PTPRQ: variants seen among roughly 807,000 people sequenced by gnomAD.
PTPRQ encodes the protein protein tyrosine phosphatase receptor type Q.
In PTPRQ, 199 loss-of-function variants were observed where a neutral mutation model predicts 246.0. The ratio of observed to expected loss-of-function variants is 0.81; its 90% CI spans 0.72 to 0.91. PTPRQ has a LOEUF of 0.91. Ranked by LOEUF, PTPRQ falls within the 40% of genes least tolerant of loss-of-function variation. PTPRQ has a pLI of 0.00. For synonymous variants in PTPRQ, 869 were observed against 853.2 expected (o/e 1.02, Z -0.32); for missense variants, 2,624 against 2,528.4 (o/e 1.04, Z -0.81).
chr12:80,549,140 G>A (rs1285287233), intron 24 of PTPRQ, among the ~76,000 whole-genome samples: 2 of 152,064 alleles, frequency 1.3e-5, no homozygotes, highest in East Asian at 3.8e-4. Context: ...CCAATTAAGA[G>A]AGCAGTTATC....
intron 43 of PTPRQ, among the ~76,000 whole-genome samples, chr12:80,675,403 T>C (rs1262714202): frequency 1.3e-5 from 2 of 152,166 alleles, no homozygotes; most frequent in South Asian, 2.1e-4. Flanking sequence ...TATTACTCAT[T>C]ATTAAAATTC....
At chr12:80,592,837 C>G (rs1223208400) in intron 26 of PTPRQ, among the ~76,000 whole-genome samples, 3 of 151,974 alleles carry the variant, frequency 2.0e-5, no homozygotes, top group Non-Finnish European at 2.9e-5. Context: ...TGGTGAAACC[C>G]TGTCTCTTCT....
At chr12:80,547,533 G>C (rs1379201770) in intron 24 of PTPRQ, among the ~76,000 whole-genome samples, 1 of 151,970 alleles carries the variant, frequency 6.6e-6, no homozygotes, top group East Asian at 1.9e-4. Flanking sequence ...TAAATTTATG[G>C]CTACCTGACA....
intron 3 of PTPRQ, among the ~76,000 whole-genome samples, chr12:80,446,534 C>G (rs1892560059): frequency 6.6e-6 from 1 of 151,514 alleles, no homozygotes; most frequent in African/African-American, 2.4e-5. Context: ...TACCCATCAC[C>G]CAAATAGTAA....
At chr12:80,468,589 C>A in intron 6 of PTPRQ, 121 bp from the exon 7 acceptor site, 2 of 1,007,710 alleles carry the variant, frequency 2.0e-6, no homozygotes, top group East Asian at 3.1e-5. Flanking sequence ...TAAAAAAACT[C>A]TGCTTTTAAG....
intron 18 of PTPRQ, among the ~76,000 whole-genome samples, chr12:80,534,675 A>G (rs1895936840): frequency 6.6e-6 from 1 of 152,020 alleles, no homozygotes; most frequent in South Asian, 2.1e-4. Flanking sequence ...TATGGGTAAG[A>G]AATCTATCTG....
intron 33 of PTPRQ, among the ~76,000 whole-genome samples, chr12:80,625,348 A>C (rs1448355701): frequency 6.6e-6 from 1 of 151,642 alleles, no homozygotes; most frequent in African/African-American, 2.4e-5. Flanking sequence ...CTACAGAGAG[A>C]AGTCTAGGTC....
Position 80,549,509 on chromosome 12 carries a change from C to T in PTPRQ, c.4060C>T (p.Gln1354Ter). ...QNMQCMATSWQSVLVKWDPPK... is the reference protein window; with the variant it reads ...QNMQCMATSW The stretch of plus-strand genomic sequence containing the variant: ...TATGCAGTGCATGGCAACTAGCTGG[C>T]AGTCAGTTTTAGTGAAATGGGATCC... Residue 1354 changes from glutamine (Q) to a stop codon, truncating the protein, a stop_gained, in exon 25 of 45, where the codon CAG becomes TAG. Coordinates refer to ENST00000644991, the MANE Select transcript of PTPRQ (RefSeq NM_001145026.2). LOFTEE classifies it high-confidence loss of function. The T allele has an allele frequency of 6.4e-7, 1 of 1,550,886 alleles. No individual in the cohort carries two copies. Among genetic ancestry groups the T allele is most frequent in the South Asian group, 1.2e-5 (1 of 84,012 alleles).
At chr12:80,595,437 T>A (rs907071610) in intron 26 of PTPRQ, among the ~76,000 whole-genome samples, 3 of 152,136 alleles carry the variant, frequency 2.0e-5, no homozygotes, top group Admixed American at 6.6e-5. Context: ...TGATATTTTT[T>A]AATTTTTTTG....
At chr12:80,510,871 A>C (rs950200952) in intron 17 of PTPRQ, among the ~76,000 whole-genome samples, 1 of 152,144 alleles carries the variant, frequency 6.6e-6, no homozygotes, top group Non-Finnish European at 1.5e-5. Flanking sequence ...TCAATTTTTA[A>C]TTTGAAATGT....
chr12:80,489,391 G>A (rs913699564), intron 9 of PTPRQ, among the ~76,000 whole-genome samples: 1 of 151,824 alleles, frequency 6.6e-6, no homozygotes, highest in Non-Finnish European at 1.5e-5. Flanking sequence ...AATAAAGCAA[G>A]ATCACATGAG....
At chr12:80,597,220 C>T (rs1897998820) in intron 26 of PTPRQ, among the ~76,000 whole-genome samples, 1 of 151,850 alleles carries the variant, frequency 6.6e-6, no homozygotes, top group Non-Finnish European at 1.5e-5. Flanking sequence ...ATATTTTTTA[C>T]CCCAATTATG....
chr12:80,618,573 T>G (rs1898855982), intron 30 of PTPRQ, among the ~76,000 whole-genome samples: 1 of 151,582 alleles, frequency 6.6e-6, no homozygotes. Flanking sequence ...ATTCTGCTCT[T>G]AGGAATCTAT....
chr12:80,558,455 A>T (rs1896726265), intron 25 of PTPRQ, among the ~76,000 whole-genome samples: 1 of 145,712 alleles, frequency 6.9e-6, no homozygotes, highest in South Asian at 2.1e-4. Flanking sequence ...GACATGAGCC[A>T]CTGCACCTGG....
At chr12:80,474,954 A>G (rs1411213684) in intron 8 of PTPRQ, among the ~76,000 whole-genome samples, 1 of 152,208 alleles carries the variant, frequency 6.6e-6, no homozygotes, top group Non-Finnish European at 1.5e-5. Flanking sequence ...TTGCAGGAAA[A>G]TAACTGAGAG....
intron 37 of PTPRQ, 29 bp from the exon 38 acceptor site, chr12:80,652,715 G>A: frequency 6.8e-7 from 1 of 1,475,558 alleles, no homozygotes; most frequent in Admixed American, 2.8e-5. Flanking sequence ...TCTGATAAAT[G>A]TAAACTTTGT....
chr12:80,660,744 G>A (rs758869996), intron 39 of PTPRQ, among the ~76,000 whole-genome samples: 1 of 151,994 alleles, frequency 6.6e-6, no homozygotes, highest in African/African-American at 2.4e-5. Context: ...TGTTGACAGA[G>A]CATTATAATA....
chr12:80,678,640 C>G lies in PTPRQ; in HGVS notation c.6777C>G (p.Leu2259=). The G allele has an allele frequency of 3.9e-6, 6 of 1,550,472 alleles. No individual in the cohort carries two copies. Among genetic ancestry groups the G allele is most frequent in the Non-Finnish European group, 5.2e-6 (6 of 1,146,238 alleles). ...YIFLHQCILD[L]LSNKGSNQPI... The stretch of plus-strand genomic sequence containing the variant: ...TTTTACACCAGTGCATTCTGGATCT[C>G]TTATCAAATAAGGGAAGTAATCAGC... Residue 2259 remains leucine (L), a synonymous_variant, in exon 44 of 45, where the codon CTC becomes CTG. Coordinates refer to ENST00000644991, the MANE Select transcript of PTPRQ (RefSeq NM_001145026.2).
rs143291732 is a variant in PTPRQ at position 80,570,498 on chromosome 12, G to A, written c.4286-17631G>A. Among the ~76,000 whole-genome samples the A allele has an allele frequency of 6.5e-3, 985 of 152,084 alleles. 14 individuals carry two copies. Among genetic ancestry groups the A allele is most frequent in the African/African-American group, 0.022 (914 of 41,498 alleles). On this transcript the variant is annotated intron_variant, in intron 25 of 44. Coordinates refer to ENST00000644991, the MANE Select transcript of PTPRQ (RefSeq NM_001145026.2). ...CTGGGTGCTAGCTTTTTGTCAGGTG[G>A]ATAGATTGCAAAAATTTTCTCCCAT... is the stretch of plus-strand genomic sequence containing the variant.
Sources: allele counts gnomAD v4.1 joint callset (sites outside exome capture counted in the v4.1 genomes callset), GRCh38; gene constraint gnomAD v4.1.1; transcripts MANE v1.5; gene names NCBI Gene and HGNC (gene_info 2026-07-23, HGNC 2026-07-21).